The following DMRT1 variants were observed in gnomAD, a reference collection of about 807,000 sequenced individuals.
DMRT1 encodes doublesex and mab-3 related transcription factor 1.
A neutral mutation model predicts 32.3 loss-of-function variants in DMRT1; 7 were observed. That is an observed-to-expected ratio of 0.22 (90% CI 0.12 to 0.41). DMRT1 has a LOEUF of 0.41. DMRT1 is among the 10% of genes least tolerant of loss of function. The pLI is 1.00. For synonymous variants in DMRT1, 278 were observed against 206.1 expected (o/e 1.35, Z -2.99); for missense variants, 625 against 500.5 (o/e 1.25, Z -2.37).
intron 2 of DMRT1, among the ~76,000 whole-genome samples, chr9:861,520 T>C (rs1342336945): frequency 2.6e-5 from 4 of 152,248 alleles, no homozygotes; most frequent in African/African-American, 9.6e-5. Context: ...ATTTCCCCCT[T>C]TTCTATTCGA....
chr9:961,564 C>T (rs762627769), intron 4 of DMRT1, among the ~76,000 whole-genome samples: 3 of 152,208 alleles, frequency 2.0e-5, no homozygotes, highest in Non-Finnish European at 4.4e-5. Flanking sequence ...CATCTTCTCA[C>T]CTCCCTCCTC....
chr9:874,789 C>A lies in DMRT1; in HGVS notation c.539-19123C>A, dbSNP rs905918695. Among the ~76,000 whole-genome samples the A allele has an allele frequency of 6.8e-5, 10 of 147,626 alleles. 1 individual carries two copies. Among genetic ancestry groups the A allele is most frequent in the African/African-American group, 2.2e-4 (9 of 40,018 alleles). ...CCTGTATTAAAAACAATAACAACAA[C>A]AACAAGTTAATCTTTTTTTTTTTTT... On this transcript the variant is annotated intron_variant, in intron 2 of 4. Coordinates refer to ENST00000382276, the MANE Select transcript of DMRT1 (RefSeq NM_021951.3).
At chr9:894,338 ATG>A in intron 3 of DMRT1, 143 bp downstream of exon 3, 1 of 838,798 alleles carries the variant, frequency 1.2e-6, no homozygotes, top group African/African-American at 1.9e-5. Context: ...ACACACACAT[ATG>A]TGTGTGTGCC....
chr9:931,526 A>C (rs910080546), intron 4 of DMRT1, among the ~76,000 whole-genome samples: 5 of 152,248 alleles, frequency 3.3e-5, no homozygotes, highest in Non-Finnish European at 7.3e-5. Context: ...GTGGCCCAAC[A>C]ACAGAAATTT....
chr9:913,425 A>AGTTT (rs35084616), intron 3 of DMRT1, among the ~76,000 whole-genome samples: 125,839 of 151,708 alleles, frequency 0.83, 52,338 homozygotes, highest in South Asian at 0.9. Flanking sequence ...AGTGTGTTTG[A>AGTTT]GTTTTTACTG....
Position 841,959 on chromosome 9 carries a change from G to T in DMRT1, c.121G>T (p.Ala41Ser). Residue 41 changes from alanine (A) to serine (S), a missense_variant, in exon 1 of 5, where the codon GCG becomes TCG. Coordinates refer to ENST00000382276, the MANE Select transcript of DMRT1 (RefSeq NM_021951.3). ...FGKASGALVG[A>S]ASGSSAGGSS... ...CAAAGCGTCTGGGGCGCTAGTGGGG[G>T]CGGCCAGCGGCTCGAGCGCCGGGGG... 3 of 1,593,846 alleles carry T rather than the reference G, an allele frequency of 1.9e-6. No homozygotes were observed. The highest frequency in any genetic ancestry group is 2.6e-6 in the Non-Finnish European group (3 of 1,170,866).
intron 4 of DMRT1, among the ~76,000 whole-genome samples, chr9:932,201 A>T (rs1008313146): frequency 6.6e-6 from 1 of 152,212 alleles, no homozygotes; most frequent in African/African-American, 2.4e-5. Flanking sequence ...TCTGAATTTC[A>T]GAAAATTTCT....
At chr9:896,589 T>C (rs113088223) in intron 3 of DMRT1, among the ~76,000 whole-genome samples, 6,197 of 151,892 alleles carry the variant, frequency 0.041, 184 homozygotes, top group African/African-American at 0.086. Flanking sequence ...CCGAGGCGGG[T>C]GGATCACGAG....
At chr9:896,538 G>C (rs999598538) in intron 3 of DMRT1, among the ~76,000 whole-genome samples, 1 of 152,098 alleles carries the variant, frequency 6.6e-6, no homozygotes, top group African/African-American at 2.4e-5. Flanking sequence ...ATTTAGGCCA[G>C]GTGCGGTGGC....
At chr9:920,030 G>A (rs1457444640) in intron 4 of DMRT1, among the ~76,000 whole-genome samples, 1 of 152,106 alleles carries the variant, frequency 6.6e-6, no homozygotes, top group East Asian at 1.9e-4. Context: ...GAAGACTATG[G>A]GAAAAATAAG....
chr9:864,737 C>CAGGT (rs1564206870), intron 2 of DMRT1, among the ~76,000 whole-genome samples: 5 of 149,148 alleles, frequency 3.4e-5, no homozygotes, highest in African/African-American at 7.4e-5. Flanking sequence ...CCTAACCTTG[C>CAGGT]GATCCGCCCA....
At chr9:859,525 T>C (rs1338814507) in intron 2 of DMRT1, among the ~76,000 whole-genome samples, 3 of 152,302 alleles carry the variant, frequency 2.0e-5, no homozygotes, top group East Asian at 3.9e-4. Flanking sequence ...CAAATGTATA[T>C]GTGCATTTCT....
At chr9:864,328 C>T (rs988907043) in intron 2 of DMRT1, among the ~76,000 whole-genome samples, 2 of 150,740 alleles carry the variant, frequency 1.3e-5, no homozygotes, top group Non-Finnish European at 1.5e-5. Context: ...TTCAGCCTGC[C>T]GAGTAGCTGG....
At chr9:966,072 T>C (rs1819922173) in intron 4 of DMRT1, among the ~76,000 whole-genome samples, 1 of 152,216 alleles carries the variant, frequency 6.6e-6, no homozygotes. Flanking sequence ...TCTCCAGATC[T>C]GTATAGTAAC....
At chr9:882,053 T>C (rs1355135933) in intron 2 of DMRT1, among the ~76,000 whole-genome samples, 1 of 152,156 alleles carries the variant, frequency 6.6e-6, no homozygotes, top group Non-Finnish European at 1.5e-5. Flanking sequence ...CATTGTAGGA[T>C]TAACAGTTTT....
chr9:906,980 A>T (rs1184367914), intron 3 of DMRT1, among the ~76,000 whole-genome samples: 4 of 152,192 alleles, frequency 2.6e-5, no homozygotes, highest in Admixed American at 2.6e-4. Flanking sequence ...TCATGAGATA[A>T]CAAGTCTCTA....
chr9:913,832 G>T (rs895119198), intron 3 of DMRT1, among the ~76,000 whole-genome samples: 4 of 152,230 alleles, frequency 2.6e-5, no homozygotes, highest in Non-Finnish European at 4.4e-5. Context: ...AGCAGAGGTT[G>T]CAGTGAGCCG....
chr9:905,249 GA>G (rs1817727813), intron 3 of DMRT1, among the ~76,000 whole-genome samples: 2 of 152,316 alleles, frequency 1.3e-5, no homozygotes, highest in Non-Finnish European at 2.9e-5. Flanking sequence ...CATCACCATT[GA>G]GATGCACAGC....
intron 4 of DMRT1, among the ~76,000 whole-genome samples, chr9:942,846 T>C (rs1343202384): frequency 6.6e-6 from 1 of 152,042 alleles, no homozygotes; most frequent in African/African-American, 2.4e-5. Context: ...TTATTTCTAT[T>C]TTTTTTTCAA....
Sources: allele counts gnomAD v4.1 joint callset (sites outside exome capture counted in the v4.1 genomes callset), GRCh38; gene constraint gnomAD v4.1.1; transcripts MANE v1.5; gene names NCBI Gene and HGNC (gene_info 2026-07-23, HGNC 2026-07-21).